The following SAXO1 variants were observed in gnomAD, a reference collection of about 807,000 sequenced individuals.
The protein encoded by SAXO1 is stabilizer of axonemal microtubules 1.
In SAXO1, 21 loss-of-function variants were observed where a neutral mutation model predicts 17.5. The observed-to-expected ratio is 1.20, with a 90% CI of 0.85 to 1.72. The LOEUF (loss-of-function observed/expected upper bound fraction) is 1.72. SAXO1 is among the 40% of genes most tolerant of loss of function. SAXO1 has a pLI of 0.00. For missense variants in SAXO1, 843 were observed against 596.0 expected (o/e 1.41, Z -4.32); for synonymous variants, 274 against 216.5 (o/e 1.27, Z -2.33).
In SAXO1 at chr9:18,986,553, A is replaced by G. The variant is rs935583089; in HGVS notation, c.39-35616T>C. On this transcript the variant is annotated intron_variant, in intron 1 of 3. Transcript: ENST00000380534. Reference sequence around the variant, plus strand: ...ATAAAATGGGAATTTGACCTTATGAAAAGAAGTGACATTTTTCCTGTAGCA... The same window carrying G: ...ATAAAATGGGAATTTGACCTTATGAGAAGAAGTGACATTTTTCCTGTAGCA... Among the ~76,000 whole-genome samples the G allele has an allele frequency of 5.9e-5, 9 of 152,342 alleles. No homozygotes were observed. The South Asian group carries it at 8.3e-4, about 14-fold the overall frequency.
At chr9:19,000,660 C>G (rs1210394713) in intron 1 of SAXO1, among the ~76,000 whole-genome samples, 1 of 152,144 alleles carries the variant, frequency 6.6e-6, no homozygotes, top group Non-Finnish European at 1.5e-5. Context: ...TCCTTCTGCC[C>G]TCCCCAAGTT....
chr9:18,999,455 C>T (rs1293520718), intron 1 of SAXO1, among the ~76,000 whole-genome samples: 1 of 151,980 alleles, frequency 6.6e-6, no homozygotes, highest in Non-Finnish European at 1.5e-5. Context: ...CCGGCTGCCC[C>T]ACCATCTGGC....
chr9:18,947,037 C>A (rs1361296535), intron 2 of SAXO1, among the ~76,000 whole-genome samples: 3 of 152,082 alleles, frequency 2.0e-5, no homozygotes, highest in Non-Finnish European at 4.4e-5. Context: ...AAATAATGGC[C>A]AAAATGTCTA....
chr9:18,973,272 G>A (rs1038396227), intron 1 of SAXO1, among the ~76,000 whole-genome samples: 4 of 152,158 alleles, frequency 2.6e-5, no homozygotes, highest in African/African-American at 9.7e-5. Flanking sequence ...AATGAGCTTT[G>A]TGCATATTTA....
intron 1 of SAXO1, among the ~76,000 whole-genome samples, chr9:19,012,249 A>T (rs189959795): frequency 6.6e-6 from 1 of 152,316 alleles, no homozygotes. Context: ...AGAAAATAAG[A>T]TTTAGAGCCT....
At chr9:18,979,381 G>T (rs1477368001) in intron 1 of SAXO1, among the ~76,000 whole-genome samples, 1 of 152,218 alleles carries the variant, frequency 6.6e-6, no homozygotes, top group Non-Finnish European at 1.5e-5. Flanking sequence ...CTCAGCCTTT[G>T]TGAGGAAATT....
chr9:19,031,210 T>C (rs1028332820), intron 1 of SAXO1, among the ~76,000 whole-genome samples: 34 of 152,264 alleles, frequency 2.2e-4, no homozygotes, highest in African/African-American at 8.0e-4. Context: ...CTATGTCTTA[T>C]ACATTCAATC....
At chr9:18,936,958 A>T (rs1831322681) in intron 3 of SAXO1, among the ~76,000 whole-genome samples, 1 of 152,268 alleles carries the variant, frequency 6.6e-6, no homozygotes, top group African/African-American at 2.4e-5. Context: ...TGTGGAACAA[A>T]TGTAAGCAGA....
At chr9:18,973,375 A>G (rs1379214454) in intron 1 of SAXO1, among the ~76,000 whole-genome samples, 1 of 152,190 alleles carries the variant, frequency 6.6e-6, no homozygotes, top group East Asian at 1.9e-4. Flanking sequence ...TGCACATCTC[A>G]GTAGTGTTGT....
intron 1 of SAXO1, among the ~76,000 whole-genome samples, chr9:19,044,800 T>A (rs1251179265): frequency 3.3e-5 from 5 of 151,448 alleles, no homozygotes; most frequent in Non-Finnish European, 7.4e-5. Context: ...GAGGCGGAGC[T>A]TGCAGTGAGC....
chr9:18,946,505 T>G (rs138563241), intron 2 of SAXO1, among the ~76,000 whole-genome samples: 51 of 151,938 alleles, frequency 3.4e-4, no homozygotes, highest in African/African-American at 1.2e-3. Context: ...AGAGTTTGCA[T>G]TGTAAATCAA....
At chr9:19,032,264 G>A (rs1260650323) in intron 1 of SAXO1, among the ~76,000 whole-genome samples, 6 of 152,174 alleles carry the variant, frequency 3.9e-5, no homozygotes, top group South Asian at 2.1e-4. Context: ...CAGTCAGCCC[G>A]TGGGACTCTG....
intron 1 of SAXO1, among the ~76,000 whole-genome samples, chr9:18,987,176 G>T (rs1002878308): frequency 6.6e-6 from 1 of 152,212 alleles, no homozygotes; most frequent in African/African-American, 2.4e-5. Context: ...TGGAGACAGT[G>T]TCATGATTTC....
intron 1 of SAXO1, among the ~76,000 whole-genome samples, chr9:18,972,671 C>G (rs1832992732): frequency 6.6e-6 from 1 of 152,206 alleles, no homozygotes; most frequent in Non-Finnish European, 1.5e-5. Context: ...GGAAATGGAC[C>G]TGGAGTCTCC....
intron 1 of SAXO1, among the ~76,000 whole-genome samples, chr9:19,010,618 T>C (rs1834690679): frequency 6.6e-6 from 1 of 152,196 alleles, no homozygotes; most frequent in Non-Finnish European, 1.5e-5. Context: ...CTGTACTCTT[T>C]ACTTGTTTAT....
At chr9:18,947,371 A>C (rs1266962672) in intron 2 of SAXO1, among the ~76,000 whole-genome samples, 1 of 152,136 alleles carries the variant, frequency 6.6e-6, no homozygotes, top group Non-Finnish European at 1.5e-5. Flanking sequence ...TGGTTTACCA[A>C]GGAGTCTTGC....
chr9:18,970,781 T>C (rs1231057736), intron 1 of SAXO1, among the ~76,000 whole-genome samples: 1 of 152,190 alleles, frequency 6.6e-6, no homozygotes, highest in Non-Finnish European at 1.5e-5. Context: ...ATGACATGGA[T>C]GGAATTATTG....
At chr9:19,014,864 G>A (rs928552679) in intron 1 of SAXO1, among the ~76,000 whole-genome samples, 13 of 152,108 alleles carry the variant, frequency 8.5e-5, no homozygotes, top group Non-Finnish European at 1.3e-4. Context: ...TCTTCCTGCC[G>A]GGGTTAGGAA....
chr9:19,045,347 A>C (rs1836186070), intron 1 of SAXO1, among the ~76,000 whole-genome samples: 1 of 141,170 alleles, frequency 7.1e-6, no homozygotes, highest in African/African-American at 2.5e-5. Context: ...AAAAAAAAAA[A>C]AGATGCAATT....
Sources: gnomAD v4.1 joint callset for allele counts (sites outside exome capture counted in the v4.1 genomes callset) on GRCh38, gnomAD v4.1.1 for gene constraint, MANE v1.5 for transcripts, NCBI Gene and HGNC (gene_info 2026-07-23, HGNC 2026-07-21) for gene names.